CATSPERD: variants seen among roughly 807,000 people sequenced by gnomAD.
CATSPERD encodes cation channel sperm-associated auxiliary subunit delta.
A neutral mutation model predicts 98.1 loss-of-function variants in CATSPERD; 86 were observed. That is an observed-to-expected ratio of 0.88 (90% confidence interval 0.74 to 1.05). The LOEUF (loss-of-function observed/expected upper bound fraction) is 1.05. Ranked by LOEUF, CATSPERD falls within the 50% of genes least tolerant of loss-of-function variation. The pLI is 0.00. For missense variants in CATSPERD, 995 were observed against 1,005.7 expected (o/e 0.99, Z 0.14); for synonymous variants, 394 against 390.2 (o/e 1.01, Z -0.12).
intron 18 of CATSPERD, 72 bp from the exon 19 acceptor site, chr19:5,770,872 G>A (rs2056630658): frequency 6.6e-7 from 1 of 1,521,140 alleles, no homozygotes; most frequent in Non-Finnish European, 8.8e-7. Flanking sequence ...AAAAGAAACT[G>A]CGGCTGTGAA....
intron 16 of CATSPERD, among the ~76,000 whole-genome samples, chr19:5,764,354 C>T (rs1307268294): frequency 5.3e-5 from 8 of 151,740 alleles, no homozygotes; most frequent in Non-Finnish European, 1.2e-4. Flanking sequence ...CTCACTCTGT[C>T]GCCCAGGTTG....
Position 5,733,920 on chromosome 19 carries a change from A to G in CATSPERD, c.341A>G (p.Gln114Arg). 6.2e-7 allele frequency: 1 copy of G among 1,612,016 alleles called. No homozygotes were observed. The highest frequency in any genetic ancestry group is 8.5e-7 in the Non-Finnish European group (1 of 1,179,182). ...AGSLLLLVVD[Q>R]KVYIYDYENN... ...TCGTTATTGCTGTTAGTAGTGGATCAAAAAGTCTATATTTATGATTATGAA... is the reference window on the plus strand; with the variant it reads ...TCGTTATTGCTGTTAGTAGTGGATCGAAAAGTCTATATTTATGATTATGAA... Residue 114 changes from glutamine (Q) to arginine (R), a missense_variant, in exon 5 of 22, where the codon CAA (glutamine) becomes CGA (arginine). By Grantham distance (43) the Gln-to-Arg change is conservative (BLOSUM62 1). Transcript: ENST00000381624.
At chr19:5,757,494 T>C (rs2056346254) in intron 13 of CATSPERD, among the ~76,000 whole-genome samples, 1 of 151,416 alleles carries the variant, frequency 6.6e-6, no homozygotes, top group Non-Finnish European at 1.5e-5. Flanking sequence ...ATGGGGTTTC[T>C]CCATGTTGGT....
chr19:5,733,581 C>G (rs2055778694), intron 4 of CATSPERD, among the ~76,000 whole-genome samples: 2 of 151,796 alleles, frequency 1.3e-5, no homozygotes, highest in African/African-American at 4.8e-5. Context: ...CTCAGCCTCT[C>G]AAGTAGCTCG....
chr19:5,767,305 A>G (rs1388106261), intron 17 of CATSPERD, among the ~76,000 whole-genome samples: 1 of 96,696 alleles, frequency 1.0e-5, no homozygotes. Flanking sequence ...TGACAGAGCG[A>G]GACTCTGTCT....
chr19:5,754,607 A>T (rs569284213), intron 13 of CATSPERD, among the ~76,000 whole-genome samples: 3 of 152,082 alleles, frequency 2.0e-5, no homozygotes, highest in African/African-American at 7.2e-5. Flanking sequence ...CATGTTGGTC[A>T]GGCTGGTCTT....
At chr19:5,726,264 G>A (rs973106904) in intron 2 of CATSPERD, among the ~76,000 whole-genome samples, 1 of 151,890 alleles carries the variant, frequency 6.6e-6, no homozygotes, top group African/African-American at 2.4e-5. Flanking sequence ...GTTTCACCAT[G>A]TTGGCCCTGC....
intron 4 of CATSPERD, among the ~76,000 whole-genome samples, chr19:5,732,198 C>A (rs1472913215): frequency 6.6e-6 from 1 of 151,832 alleles, no homozygotes; most frequent in Non-Finnish European, 1.5e-5. Flanking sequence ...TGGTCTCAAA[C>A]TCCTGACCTC....
intron 12 of CATSPERD, among the ~76,000 whole-genome samples, chr19:5,753,183 A>T (rs2056253612): frequency 6.6e-6 from 1 of 152,028 alleles, no homozygotes; most frequent in Non-Finnish European, 1.5e-5. Context: ...TTGAAAGAGG[A>T]TTAAAAGACA....
intron 19 of CATSPERD, 106 bp downstream of exon 19, chr19:5,771,178 AATG>A: frequency 8.0e-7 from 1 of 1,246,724 alleles, no homozygotes; most frequent in Non-Finnish European, 1.1e-6. Flanking sequence ...GATCCCTCAA[AATG>A]ATGATGGTCA....
chr19:5,769,917 C>T (rs1343406940), intron 18 of CATSPERD, among the ~76,000 whole-genome samples: 6 of 150,866 alleles, frequency 4.0e-5, no homozygotes, highest in Admixed American at 6.6e-5. Flanking sequence ...GGTGAAATCC[C>T]GTCTCTACTA....
chr19:5,775,358 GC>G, intron 20 of CATSPERD: 1 of 458,006 alleles, frequency 2.2e-6, no homozygotes, highest in Non-Finnish European at 4.5e-6. Flanking sequence ...GCAGGGAGGG[GC>G]CAGGCGAGGT....
At chr19:5,739,895 A>G (rs1038212828) in intron 7 of CATSPERD, among the ~76,000 whole-genome samples, 7 of 151,184 alleles carry the variant, frequency 4.6e-5, no homozygotes, top group African/African-American at 1.7e-4. Flanking sequence ...AGGTCAATGG[A>G]GCCAGCTCAG....
intron 7 of CATSPERD, among the ~76,000 whole-genome samples, chr19:5,740,451 G>T (rs1415889814): frequency 6.6e-6 from 1 of 151,610 alleles, no homozygotes; most frequent in African/African-American, 2.4e-5. Flanking sequence ...GCTGGGCGTG[G>T]TGCCTCATGC....
intron 12 of CATSPERD, chr19:5,753,681 C>A: frequency 9.3e-6 from 3 of 321,284 alleles, no homozygotes; most frequent in Middle Eastern, 5.2e-4. Flanking sequence ...ACCAGCGTGG[C>A]AACATAGTAA....
intron 15 of CATSPERD, among the ~76,000 whole-genome samples, chr19:5,761,655 AAGAG>A (rs142797931): frequency 4.7e-4 from 6 of 12,876 alleles, no homozygotes; most frequent in Non-Finnish European, 6.8e-4. Flanking sequence ...ATGGCGGCAG[AAGAG>A]AGAGAGAGAG....
chr19:5,732,345 A>C (rs1280900533), intron 4 of CATSPERD, among the ~76,000 whole-genome samples: 1 of 152,116 alleles, frequency 6.6e-6, no homozygotes, highest in Non-Finnish European at 1.5e-5. Context: ...ACCAGCTTCA[A>C]CTTGGTTCTA....
intron 13 of CATSPERD, 74 bp from the exon 14 acceptor site, chr19:5,757,769 C>A: frequency 9.0e-7 from 1 of 1,116,808 alleles, no homozygotes; most frequent in South Asian, 1.3e-5. Flanking sequence ...GTGTGCTGGG[C>A]TCACTGTGGG....
At chr19:5,755,541 G>T (rs2056308280) in intron 13 of CATSPERD, among the ~76,000 whole-genome samples, 1 of 152,022 alleles carries the variant, frequency 6.6e-6, no homozygotes, top group African/African-American at 2.4e-5. Flanking sequence ...AGGCTGAGGT[G>T]GGAAGATCGC....
Sources: gnomAD v4.1 joint callset for allele counts (sites outside exome capture counted in the v4.1 genomes callset) on GRCh38, gnomAD v4.1.1 for gene constraint, MANE v1.5 for transcripts, NCBI Gene and HGNC (gene_info 2026-07-23, HGNC 2026-07-21) for gene names.